The following MGAT4C variants were observed in gnomAD, a reference collection of about 807,000 sequenced individuals.
The protein encoded by MGAT4C is MGAT4 family member C, also known as alpha-1,3-mannosyl-glycoprotein 4-beta-N-acetylglucosaminyltransferase C.
A neutral mutation model predicts 40.1 loss-of-function variants in MGAT4C; 19 were observed. The ratio of observed to expected loss-of-function variants is 0.47; its 90% CI spans 0.33 to 0.70. The LOEUF is 0.70. Among genes scored for constraint, MGAT4C ranks in the 30% least tolerant of loss-of-function variants. The probability of loss-of-function intolerance (pLI) is 0.02; values close to 1 mark genes in which losing one functional copy is unlikely to be tolerated. For missense variants in MGAT4C, 491 were observed against 563.2 expected (o/e 0.87, Z 1.30); for synonymous variants, 181 against 187.1 (o/e 0.97, Z 0.27).
At chr12:86,611,179 C>T (rs529902600) in intron 2 of MGAT4C, among the ~76,000 whole-genome samples, 19 of 151,618 alleles carry the variant, frequency 1.3e-4, no homozygotes, top group Non-Finnish European at 2.2e-4. Context: ...ATTTAGAGAA[C>T]GATACAAAAA....
intron 1 of MGAT4C, among the ~76,000 whole-genome samples, chr12:86,228,111 C>T (rs756355404): frequency 6.6e-6 from 1 of 151,802 alleles, no homozygotes; most frequent in African/African-American, 2.4e-5. Context: ...ACAAAGGATA[C>T]ATAAGACATT....
chr12:86,160,230 A>G (rs1433219735), intron 1 of MGAT4C, among the ~76,000 whole-genome samples: 1 of 150,940 alleles, frequency 6.6e-6, no homozygotes, highest in East Asian at 1.9e-4. Context: ...TTTTGGTGAG[A>G]TTTTTCCCCT....
intron 2 of MGAT4C, among the ~76,000 whole-genome samples, chr12:86,699,940 T>C (rs1023690684): frequency 2.6e-5 from 4 of 151,282 alleles, no homozygotes; most frequent in Non-Finnish European, 5.9e-5. Flanking sequence ...GCAAGAGAGG[T>C]AGGAGCACTT....
In MGAT4C at chr12:86,464,011, C is replaced by G. The variant is rs1344379099; in HGVS notation, c.-228-28746G>C. ...GTTGCTGTTACTTAAGAAAGCAGCA[C>G]CACAGAGTTAATGTGTTTTTAATTT... On this transcript the variant is annotated intron_variant, in intron 2 of 7. Coordinates refer to the MGAT4C transcript ENST00000548651. 9.2e-5 allele frequency among the ~76,000 whole-genome samples: 14 copies of G among 152,160 alleles called. 1 individual carries two copies. Among genetic ancestry groups the G allele is most frequent in the Admixed American group, 8.5e-4 (13 of 15,272 alleles).
At chr12:86,019,435 G>A (rs936089657) in intron 2 of MGAT4C, among the ~76,000 whole-genome samples, 2 of 152,182 alleles carry the variant, frequency 1.3e-5, no homozygotes, top group Middle Eastern at 3.4e-3. Flanking sequence ...CTCTGATGTT[G>A]TATGCATCCT....
chr12:86,176,174 A>G (rs17357469), intron 1 of MGAT4C, among the ~76,000 whole-genome samples: 11,082 of 152,164 alleles, frequency 0.073, 572 homozygotes, highest in Middle Eastern at 0.22. Context: ...TTGTTTCTCA[A>G]ACCTAATCTC....
intron 3 of MGAT4C, among the ~76,000 whole-genome samples, chr12:86,417,120 C>T (rs1017492587): frequency 6.6e-6 from 1 of 151,928 alleles, no homozygotes; most frequent in Non-Finnish European, 1.5e-5. Context: ...CTGCATCGGT[C>T]AACTGGTTGT....
At chr12:86,517,027 A>G in intron 2 of MGAT4C, among the ~76,000 whole-genome samples, 1 of 152,136 alleles carries the variant, frequency 6.6e-6, no homozygotes, top group Non-Finnish European at 1.5e-5. Context: ...TAACTATAAT[A>G]AAAAAGATGC....
rs759831134 is a variant in MGAT4C, at chr12:86,663,902, C to T, written c.-229+63307G>A. On this transcript the variant is annotated intron_variant, in intron 2 of 7. Coordinates refer to the MGAT4C transcript ENST00000548651. The stretch of plus-strand genomic sequence containing the variant: ...GGGCAAAGAATTCTTGGATTTCTGC[C>T]AACACTGAAGTTCAAATTATTTGGA... 4.3e-4 allele frequency among the ~76,000 whole-genome samples: 66 copies of T among 152,234 alleles called. No homozygotes were observed. In the Middle Eastern group the frequency reaches 0.02, roughly 47 times the overall value.
chr12:86,835,627 C>A (rs1953021849), intron 1 of MGAT4C, among the ~76,000 whole-genome samples: 1 of 151,962 alleles, frequency 6.6e-6, no homozygotes, highest in Admixed American at 6.6e-5. Context: ...AGGAATAGTT[C>A]TCTCTGCTTT....
intron 1 of MGAT4C, among the ~76,000 whole-genome samples, chr12:86,255,868 C>A: frequency 6.6e-6 from 1 of 152,146 alleles, no homozygotes; most frequent in African/African-American, 2.4e-5. Context: ...CTTGGTTGAC[C>A]ATTTCTACCA....
At chr12:86,430,384 C>T (rs2136268185) in intron 3 of MGAT4C, among the ~76,000 whole-genome samples, 1 of 149,526 alleles carries the variant, frequency 6.7e-6, no homozygotes, top group East Asian at 1.9e-4. Context: ...CCCCTCTTGG[C>T]CTTTACGGTG....
chr12:86,271,053 T>C (rs1952933438), intron 4 of MGAT4C, among the ~76,000 whole-genome samples: 1 of 151,924 alleles, frequency 6.6e-6, no homozygotes, highest in African/African-American at 2.4e-5. Flanking sequence ...GACAAGAAAA[T>C]ACAAAAAATA....
intron 4 of MGAT4C, among the ~76,000 whole-genome samples, chr12:86,289,146 C>T (rs1462470482): frequency 1.3e-5 from 2 of 152,172 alleles, no homozygotes; most frequent in Admixed American, 1.3e-4. Flanking sequence ...TATCCCAGCA[C>T]CATTTATTGA....
chr12:86,694,031 G>A (rs1324321956), intron 2 of MGAT4C, among the ~76,000 whole-genome samples: 1 of 152,096 alleles, frequency 6.6e-6, no homozygotes, highest in Non-Finnish European at 1.5e-5. Flanking sequence ...AGCAAAATAA[G>A]GAGGAATACA....
Position 86,315,017 on chromosome 12 carries a change from G to GAA in MGAT4C, c.-57+19046_-57+19047dup, listed in dbSNP as rs34195872. 2.2e-3 allele frequency among the ~76,000 whole-genome samples: 334 copies of GAA among 150,716 alleles called. 2 individuals carry two copies. The highest frequency in any genetic ancestry group is 7.1e-3 in the East Asian group (36 of 5,096). ...GTTATTCTAAAATTCATATAGAACTGAAAAAAAACAAGCCTGAATAGCCAA... is the reference window on the plus strand; with the variant it reads ...GTTATTCTAAAATTCATATAGAACTGAAAAAAAAAACAAGCCTGAATAGCCAA... On this transcript the variant is annotated intron_variant, in intron 4 of 7. Coordinates refer to the MGAT4C transcript ENST00000548651.
intron 2 of MGAT4C, among the ~76,000 whole-genome samples, chr12:86,446,682 T>TATATATACATATATAC (rs1555190163): frequency 8.8e-6 from 1 of 113,446 alleles, no homozygotes; most frequent in African/African-American, 3.2e-5. Context: ...TATATATATA[T>TATATATACATATATAC]ATATATATAT....
chr12:86,784,659 T>C (rs1951900318), intron 1 of MGAT4C, among the ~76,000 whole-genome samples: 1 of 149,238 alleles, frequency 6.7e-6, no homozygotes. Context: ...AATATCTCAG[T>C]AGGTAAAAGA....
chr12:85,992,192 G>A (rs886495359), intron 2 of MGAT4C, among the ~76,000 whole-genome samples: 3 of 152,156 alleles, frequency 2.0e-5, no homozygotes, highest in African/African-American at 4.8e-5. Context: ...AGTTAAAAGC[G>A]ACTAGCACAG....
Sources: allele counts gnomAD v4.1 joint callset (sites outside exome capture counted in the v4.1 genomes callset), GRCh38; gene constraint gnomAD v4.1.1; transcripts MANE v1.5; gene names NCBI Gene and HGNC (gene_info 2026-07-23, HGNC 2026-07-21).